Variants in ZNF296 observed in about 807,000 individuals in gnomAD.
ZNF296 encodes the protein zinc finger protein 342.
In ZNF296, 1 loss-of-function variant was observed where a neutral mutation model predicts 13.2. The ratio of observed to expected loss-of-function variants is 0.08; its 90% CI spans 0.03 to 0.36. ZNF296 has a LOEUF of 0.36. Among genes scored for constraint, ZNF296 ranks in the 10% least tolerant of loss-of-function variants. The probability of loss-of-function intolerance (pLI) is 0.99; values close to 1 mark genes in which losing one functional copy is unlikely to be tolerated. For synonymous variants in ZNF296, 303 were observed against 289.0 expected (o/e 1.05, Z -0.49); for missense variants, 555 against 688.2 (o/e 0.81, Z 2.16).
At chr19:45,074,229 T>C (rs1304241615) in intron 2 of ZNF296, among the ~76,000 whole-genome samples, 2 of 151,520 alleles carry the variant, frequency 1.3e-5, no homozygotes, top group African/African-American at 2.4e-5. Context: ...GCCATGGTGG[T>C]GCACGCCTGT....
intron 2 of ZNF296, among the ~76,000 whole-genome samples, chr19:45,073,440 G>A (rs1464250539): frequency 2.0e-5 from 3 of 146,662 alleles, no homozygotes; most frequent in African/African-American, 7.8e-5. Flanking sequence ...GCGCGATCTC[G>A]GCTCACTGCA....
chr19:45,073,465 G>A (rs186545333), intron 2 of ZNF296, among the ~76,000 whole-genome samples: 43 of 149,978 alleles, frequency 2.9e-4, no homozygotes, highest in African/African-American at 1.0e-3. Flanking sequence ...CTGCCTCCGG[G>A]GTTCACGCCA....
Position 45,072,511 on chromosome 19 carries a change from A to G in ZNF296, c.518T>C (p.Leu173Pro). ...GKQFTVAWKL[L>P]RHAQWDHGLS... The stretch of plus-strand genomic sequence containing the variant: ...TCCGTGGTCCCACTGGGCGTGACGC[A>G]GCAGCTTCCAGGCCACTGTGAACTG... The change falls in exon 3 of 3, where the codon CTG (leucine) becomes CCG (proline). Residue 173 changes from leucine to proline, a missense_variant. Coordinates refer to ENST00000303809, the MANE Select transcript of ZNF296 (RefSeq NM_145288.3). The G allele has an allele frequency of 6.2e-7, 1 of 1,613,770 alleles. No homozygotes were observed. Among genetic ancestry groups the G allele is most frequent in the Non-Finnish European group, 8.5e-7 (1 of 1,180,030 alleles).
At chr19:45,073,373 ATTTT>A (rs113101222) in intron 2 of ZNF296, among the ~76,000 whole-genome samples, 1 of 129,726 alleles carries the variant, frequency 7.7e-6, no homozygotes, top group African/African-American at 3.0e-5. Flanking sequence ...TGCCCAGGCT[ATTTT>A]TTTTTTTTTT....
rs1226080584 is a variant in ZNF296, at chr19:45,076,028, C to T, written c.298+48G>A. On this transcript the variant is annotated intron_variant, in intron 1 of 2. Coordinates refer to ENST00000303809, the MANE Select transcript of ZNF296 (RefSeq NM_145288.3). The surrounding 1 kb of genome is among the most constrained non-coding windows in gnomAD (Gnocchi z 4.9). The stretch of plus-strand genomic sequence containing the variant: ...CATGCCCAAAGGGAAGGGTCCCACC[C>T]GAGGGTCAAAGGTAAGGGAGGCTGG... The T allele has an allele frequency of 1.3e-6, 2 of 1,569,844 alleles. No individual in the cohort carries two copies. Among genetic ancestry groups the T allele is most frequent in the African/African-American group, 1.4e-5 (1 of 72,934 alleles).
At chr19:45,072,631 A>G (rs369452705) in intron 2 of ZNF296, 51 bp from the exon 3 acceptor site, 1 of 1,533,832 alleles carries the variant, frequency 6.5e-7, no homozygotes, top group Non-Finnish European at 8.8e-7. Flanking sequence ...CCAGCTGGAC[A>G]CCTTCTGTGG....
chr19:45,073,105 A>C (rs925763491), intron 2 of ZNF296, among the ~76,000 whole-genome samples: 32 of 152,168 alleles, frequency 2.1e-4, no homozygotes, highest in African/African-American at 7.7e-4. Context: ...CGCTTCCTAC[A>C]TGCTAGGTGC....
rs760231873 is a variant in ZNF296, at chr19:45,071,598, G to C, written c.*3C>G. The C allele has an allele frequency of 1.1e-5, 17 of 1,508,090 alleles. No homozygotes were observed. Among genetic ancestry groups the C allele is most frequent in the Admixed American group, 2.2e-5 (1 of 44,786 alleles). 93.4% of individuals were successfully genotyped at this position (1,508,090 alleles called of 1,614,324 possible). On this transcript the variant is annotated 3_prime_UTR_variant, in exon 3 of 3. Coordinates refer to ENST00000303809, the MANE Select transcript of ZNF296 (RefSeq NM_145288.3). ...AGGGACAGTGAGGGGGGCTTTCCTG[G>C]GCTCAGGCCTCGCCGGCCGCCTCAG...
chr19:45,075,887 G>A, intron 1 of ZNF296, 25 bp from the exon 2 acceptor site: 5 of 1,612,746 alleles, frequency 3.1e-6, no homozygotes, highest in Non-Finnish European at 4.2e-6. Flanking sequence ...CGGGTGGTGA[G>A]CGTGGGGTGG....
intron 2 of ZNF296, among the ~76,000 whole-genome samples, chr19:45,075,509 GC>G (rs1967328017): frequency 1.3e-5 from 2 of 151,390 alleles, no homozygotes; most frequent in African/African-American, 4.9e-5. Flanking sequence ...CTCCTTCCCT[GC>G]CCAGTCCCCC....
At chr19:45,075,896 G>A (rs747381968) in intron 1 of ZNF296, 34 bp from the exon 2 acceptor site, 4 of 1,612,142 alleles carry the variant, frequency 2.5e-6, no homozygotes, top group East Asian at 4.5e-5. Context: ...AGCGTGGGGT[G>A]GGGCCAGGAT....
Position 45,076,001 on chromosome 19 carries a change from C to A in ZNF296, c.298+75G>T. The A allele has an allele frequency of 6.4e-7, 1 of 1,566,948 alleles. No homozygotes were observed. Among genetic ancestry groups the A allele is most frequent in the Non-Finnish European group, 8.6e-7 (1 of 1,159,396 alleles). ...GAAGGAGATAAGGCAGGGCGAGGGG[C>A]CCATGCCCAAAGGGAAGGGTCCCAC... On this transcript the variant is annotated intron_variant, in intron 1 of 2. Transcript: ENST00000303809. This position sits in a 1 kb window ranked among gnomAD's most constrained non-coding sequence, Gnocchi z 4.9.
rs765801156 is a variant in ZNF296, at chr19:45,071,610, G to A, written c.1419C>T (p.Gly473=). The A allele has an allele frequency of 7.3e-6, 11 of 1,514,986 alleles. No individual in the cohort carries two copies. The highest frequency in any genetic ancestry group is 5.6e-5 in the African/African-American group (4 of 71,904). 93.8% of individuals were successfully genotyped at this position (1,514,986 alleles called of 1,614,324 possible). The change falls in exon 3 of 3, where the codon GGC becomes GGT. Residue 473 remains glycine (G), a synonymous_variant. Coordinates refer to ENST00000303809, the MANE Select transcript of ZNF296 (RefSeq NM_145288.3). ...GGGGGCTTTCCTGGGCTCAGGCCTC[G>A]CCGGCCGCCTCAGGGTGCTTCTGCC... ...HLRQKHPEAA[G]EA
Position 45,072,264 on chromosome 19 carries a change from G to A in ZNF296, c.765C>T (p.Gly255=), listed in dbSNP as rs143872992. Residue 255 remains glycine (G), a synonymous_variant, in exon 3 of 3, where the codon GGC becomes GGT. Transcript: ENST00000303809. ...ACTGGTCGCAAGCATAGGGCCGCTC[G>A]CCTGTGTGTGAGCGCATGTGCACTT... The part of the protein sequence containing the change: ...NLKVHMRSHT[G]ERPYACDQCP... 3.2e-5 allele frequency: 51 copies of A among 1,613,402 alleles called. No individual in the cohort carries two copies. The highest frequency in any genetic ancestry group is 1.6e-4 in the African/African-American group (12 of 74,876).
At chr19:45,072,738 G>A (rs976960386) in intron 2 of ZNF296, among the ~76,000 whole-genome samples, 158 bp from the exon 3 acceptor site, 6 of 151,558 alleles carry the variant, frequency 4.0e-5, no homozygotes, top group South Asian at 4.2e-4. Flanking sequence ...GGGTGGACAC[G>A]AAAAATCTGT....
rs754690103 is a variant in ZNF296, at chr19:45,076,402, G to GGGCA, written c.-33_-30dup. On this transcript the variant is annotated 5_prime_UTR_variant, in exon 1 of 3. Transcript: ENST00000303809. This position sits in a 1 kb window ranked among gnomAD's most constrained non-coding sequence, Gnocchi z 4.9. Reference sequence around the variant, plus strand: ...TCGCGGGCCGGGCGAGCGAGCGGGCGGGCAGGCAGGCAGGCGGGCGGGCGG... The same window carrying GGGCA: ...TCGCGGGCCGGGCGAGCGAGCGGGCGGGCAGGCAGGCAGGCAGGCGGGCGGGCGG... The GGGCA allele has an allele frequency of 2.2e-4, 274 of 1,237,876 alleles. 2 individuals are homozygous for GGGCA. Among genetic ancestry groups the GGGCA allele is most frequent in the East Asian group, 1.3e-3 (40 of 31,370 alleles). 76.7% of individuals were successfully genotyped at this position (1,237,876 alleles called of 1,614,324 possible). A position where few individuals can be genotyped will look rare whatever the true frequency, so the allele number is the denominator to read the frequency against.
Position 45,072,135 on chromosome 19 carries a change from C to T in ZNF296, c.894G>A (p.Gln298=). 1 of 1,604,074 alleles carries T rather than the reference C, an allele frequency of 6.2e-7. No homozygotes were observed. The change falls in exon 3 of 3, where the codon CAG becomes CAA. Residue 298 remains glutamine, a synonymous_variant. Transcript: ENST00000303809. ...CCGGCTCCGGAGGGGCTGCAGAGGC[C>T]TGCTCCTGGCTGGTGTCGGCCATGA... ...SPLMADTSQE[Q]ASAAPPEPAV...
chr19:45,076,406 A>T lies in ZNF296; in HGVS notation c.-33T>A. 2.4e-6 allele frequency: 3 copies of T among 1,224,874 alleles called. No individual in the cohort carries two copies. The highest frequency in any genetic ancestry group is 3.1e-6 in the Non-Finnish European group (3 of 982,778). The allele number at this position is 1,224,874 out of a possible 1,614,324, so 75.9% of individuals were successfully genotyped here. A position where few individuals can be genotyped will look rare whatever the true frequency, so the allele number is the denominator to read the frequency against. ...GGGCCGGGCGAGCGAGCGGGCGGGC[A>T]GGCAGGCAGGCGGGCGGGCGGAGGA... On this transcript the variant is annotated 5_prime_UTR_variant, in exon 1 of 3. Coordinates refer to ENST00000303809, the MANE Select transcript of ZNF296 (RefSeq NM_145288.3). This position sits in a 1 kb window ranked among gnomAD's most constrained non-coding sequence, Gnocchi z 4.9.
chr19:45,072,357 G>A lies in ZNF296; in HGVS notation c.672C>T (p.Ser224=), dbSNP rs145218681. Residue 224 remains serine, a synonymous_variant, in exon 3 of 3, where the codon AGC becomes AGT. Transcript: ENST00000303809. ...AEAKSPRASG[S]GLTRRSPTCP... is the part of the protein sequence containing the mutation. ...AGGTGGGGCTCCGCCGGGTGAGGCC[G>A]CTGCCACTTGCACGGGGGCTCTTGG... The A allele has an allele frequency of 1.4e-5, 22 of 1,612,348 alleles. No individual in the cohort carries two copies. Among genetic ancestry groups the A allele is most frequent in the African/African-American group, 4.0e-5 (3 of 74,922 alleles).
Sources: gnomAD v4.1 joint callset for allele counts (sites outside exome capture counted in the v4.1 genomes callset) on GRCh38, gnomAD v4.1.1 for gene constraint, Gnocchi (gnomAD v3.1) non-coding constraint, MANE v1.5 for transcripts, NCBI Gene and HGNC (gene_info 2026-07-23, HGNC 2026-07-21) for gene names.